Variants in STX8 observed in about 807,000 individuals in gnomAD.
STX8 encodes the protein syntaxin 8.
A neutral mutation model predicts 37.5 loss-of-function variants in STX8; 23 were observed. That is an observed-to-expected ratio of 0.61 (90% CI 0.44 to 0.87). The LOEUF (loss-of-function observed/expected upper bound fraction) is 0.87, where lower values mean the gene tolerates loss of function less well. Ranked by LOEUF, STX8 falls within the 40% of genes least tolerant of loss-of-function variation. The probability of loss-of-function intolerance (pLI) is 0.00; values close to 1 mark genes in which losing one functional copy is unlikely to be tolerated. For missense variants in STX8, 313 were observed against 284.7 expected, an observed-to-expected ratio of 1.10 and a Z score of -0.71; for synonymous variants, 115 against 99.1, an observed-to-expected ratio of 1.16 and a Z score of -0.95.
intron 4 of STX8, among the ~76,000 whole-genome samples, chr17:9,520,601 G>C: frequency 6.6e-6 from 1 of 152,064 alleles, no homozygotes; most frequent in Non-Finnish European, 1.5e-5. Context: ...TAACCAAAAA[G>C]TTTCACAATC....
At chr17:9,313,079 T>C (rs1909249007) in intron 7 of STX8, among the ~76,000 whole-genome samples, 2 of 152,036 alleles carry the variant, frequency 1.3e-5, no homozygotes, top group South Asian at 4.2e-4. Context: ...TAATCCCAGC[T>C]ATTCAGGAGA....
rs35673905 is a variant in STX8 at position 9,304,507 on chromosome 17, C to CAAA, written c.644-53865_644-53863dup. 5.5e-4 allele frequency among the ~76,000 whole-genome samples: 31 copies of CAAA among 56,782 alleles called. 1 individual carries two copies. Among genetic ancestry groups the CAAA allele is most frequent in the Middle Eastern group, 7.5e-3 (1 of 134 alleles). 37.3% of individuals were successfully genotyped at this position (56,782 alleles called of 152,430 possible). ...CTGGGCAACAAGAGCGAAACTGTCT[C>CAAA]AAAAAAAAAAAAAAAAAAAAAAGAA... On this transcript the variant is annotated intron_variant, in intron 7 of 7. Transcript: ENST00000306357.
chr17:9,347,041 C>T (rs547203682), intron 7 of STX8, among the ~76,000 whole-genome samples: 7 of 151,888 alleles, frequency 4.6e-5, no homozygotes, highest in Middle Eastern at 3.4e-3. Flanking sequence ...GCAGGAGAAT[C>T]GCTTAAACCC....
chr17:9,347,525 C>CT (rs1195752308), intron 7 of STX8, among the ~76,000 whole-genome samples: 3 of 151,840 alleles, frequency 2.0e-5, no homozygotes, highest in Non-Finnish European at 4.4e-5. Context: ...CTTTCTTTTT[C>CT]TTTTTTTTGA....
At chr17:9,385,259 C>T (rs776744714) in intron 6 of STX8, among the ~76,000 whole-genome samples, 5 of 152,154 alleles carry the variant, frequency 3.3e-5, no homozygotes, top group Admixed American at 1.3e-4. Context: ...GCATTGAACA[C>T]AGTTCTGTTT....
intron 6 of STX8, among the ~76,000 whole-genome samples, chr17:9,438,483 AC>A (rs1234599206): frequency 6.6e-6 from 1 of 152,114 alleles, no homozygotes; most frequent in Non-Finnish European, 1.5e-5. Flanking sequence ...TCATTGGCAC[AC>A]TAAGGTTTGG....
intron 6 of STX8, among the ~76,000 whole-genome samples, chr17:9,473,453 C>T (rs1037461332): frequency 1.1e-4 from 17 of 152,150 alleles, no homozygotes; most frequent in African/African-American, 3.4e-4. Context: ...TATACAAAAT[C>T]CATGGATGCT....
chr17:9,484,088 G>A (rs1266254968), intron 6 of STX8, among the ~76,000 whole-genome samples: 1 of 152,190 alleles, frequency 6.6e-6, no homozygotes, highest in East Asian at 1.9e-4. Flanking sequence ...TCAGGTAGCT[G>A]TAGTGATCTT....
chr17:9,480,378 G>C (rs1906276208), intron 6 of STX8, among the ~76,000 whole-genome samples: 1 of 152,058 alleles, frequency 6.6e-6, no homozygotes, highest in African/African-American at 2.4e-5. Flanking sequence ...TTTCTTATTA[G>C]GAAAAGAAAA....
chr17:9,489,209 A>G (rs1197957405), intron 6 of STX8, among the ~76,000 whole-genome samples: 1 of 152,152 alleles, frequency 6.6e-6, no homozygotes, highest in Non-Finnish European at 1.5e-5. Context: ...ACTGGTGGTA[A>G]TTTGTTACAA....
At chr17:9,376,838 C>T (rs528619993) in intron 7 of STX8, among the ~76,000 whole-genome samples, 64 of 152,278 alleles carry the variant, frequency 4.2e-4, no homozygotes, top group Non-Finnish European at 5.3e-4. Flanking sequence ...TTGAAGTCAG[C>T]GAGACCAAGA....
chr17:9,276,899 G>A (rs1263113194), intron 7 of STX8, among the ~76,000 whole-genome samples: 1 of 151,442 alleles, frequency 6.6e-6, no homozygotes, highest in Non-Finnish European at 1.5e-5. Context: ...GCCTCCCAAA[G>A]TGCTGGGATT....
chr17:9,428,324 T>C (rs541202194), intron 6 of STX8, among the ~76,000 whole-genome samples: 1 of 152,302 alleles, frequency 6.6e-6, no homozygotes, highest in East Asian at 1.9e-4. Flanking sequence ...CACTGCAAGC[T>C]CCGCCTCCCG....
chr17:9,529,294 T>G (rs1030580851), intron 4 of STX8, among the ~76,000 whole-genome samples: 1 of 152,146 alleles, frequency 6.6e-6, no homozygotes, highest in Non-Finnish European at 1.5e-5. Flanking sequence ...CGCACACGCA[T>G]GTGTGTGTAT....
intron 6 of STX8, among the ~76,000 whole-genome samples, chr17:9,413,709 C>T (rs1309171868): frequency 6.6e-6 from 1 of 152,040 alleles, no homozygotes; most frequent in Non-Finnish European, 1.5e-5. Flanking sequence ...TAGGTGAATA[C>T]AAAGAAGCCA....
intron 7 of STX8, among the ~76,000 whole-genome samples, chr17:9,356,238 T>C (rs73270074): frequency 0.037 from 5,586 of 152,268 alleles, 333 homozygotes; most frequent in African/African-American, 0.13. Context: ...ATTAAAACAA[T>C]GTCTGCATTT....
chr17:9,435,881 T>G (rs1345311063), intron 6 of STX8, among the ~76,000 whole-genome samples: 1 of 152,166 alleles, frequency 6.6e-6, no homozygotes, highest in Non-Finnish European at 1.5e-5. Context: ...AATAATAATT[T>G]TTGTCAATTT....
chr17:9,476,778 T>C (rs879324912), intron 6 of STX8, among the ~76,000 whole-genome samples: 4 of 151,922 alleles, frequency 2.6e-5, no homozygotes, highest in Non-Finnish European at 5.9e-5. Flanking sequence ...TGAGGCCTCT[T>C]TCCTTGGCTT....
intron 7 of STX8, among the ~76,000 whole-genome samples, chr17:9,279,150 C>T (rs1364006849): frequency 1.3e-5 from 2 of 151,718 alleles, no homozygotes; most frequent in African/African-American, 2.4e-5. Context: ...TGCAACCTCC[C>T]GGGTTCAAGC....
Sources: gnomAD v4.1 joint callset for allele counts (sites outside exome capture counted in the v4.1 genomes callset) on GRCh38, gnomAD v4.1.1 for gene constraint, MANE v1.5 for transcripts, NCBI Gene and HGNC (gene_info 2026-07-23, HGNC 2026-07-21) for gene names.